INTS4: variants seen among roughly 807,000 people sequenced by gnomAD.
INTS4 encodes the protein MSTP093.
Under a neutral mutation model 119.5 loss-of-function variants are expected in INTS4, and 70 were observed. The observed-to-expected ratio is 0.59, with a 90% CI of 0.48 to 0.71. INTS4 has a LOEUF of 0.71. INTS4 is among the 30% of genes least tolerant of loss of function. The pLI, the probability that INTS4 is intolerant of heterozygous loss-of-function variation, is 0.00. For synonymous variants in INTS4, 316 were observed against 419.6 expected (o/e 0.75, Z 3.02); for missense variants, 867 against 1,173.2 (o/e 0.74, Z 3.81).
intron 15 of INTS4, among the ~76,000 whole-genome samples, chr11:77,915,823 T>C (rs1953192693): frequency 6.6e-6 from 1 of 152,252 alleles, no homozygotes; most frequent in South Asian, 2.1e-4. Context: ...TGAGCTAGGT[T>C]CCAGACATGA....
At chr11:77,921,788 T>C (rs1953367287) in intron 13 of INTS4, among the ~76,000 whole-genome samples, 1 of 152,202 alleles carries the variant, frequency 6.6e-6, no homozygotes. Flanking sequence ...CCCAACACTT[T>C]GGGAGGCTGA....
chr11:77,912,734 G>A (rs1184416200), intron 15 of INTS4, among the ~76,000 whole-genome samples: 2 of 151,962 alleles, frequency 1.3e-5, no homozygotes, highest in Non-Finnish European at 2.9e-5. Flanking sequence ...CCTCTAAAAC[G>A]CGATCTTTAT....
At chr11:77,898,747 C>T (rs531869834) in intron 18 of INTS4, among the ~76,000 whole-genome samples, 4 of 152,272 alleles carry the variant, frequency 2.6e-5, no homozygotes, top group South Asian at 2.1e-4. Context: ...CAGCCAGGCA[C>T]GGTAGCTCAC....
intron 8 of INTS4, among the ~76,000 whole-genome samples, chr11:77,948,225 C>T (rs181800709): frequency 2.0e-5 from 3 of 152,252 alleles, no homozygotes; most frequent in African/African-American, 7.2e-5. Flanking sequence ...GAAAATAAAG[C>T]GTGGCCCCAC....
intron 4 of INTS4, among the ~76,000 whole-genome samples, chr11:77,968,335 CAT>C (rs1304734075): frequency 6.6e-6 from 1 of 152,132 alleles, no homozygotes; most frequent in African/African-American, 2.4e-5. Context: ...AATTCTGACA[CAT>C]GTTACAATGT....
In INTS4 at chr11:77,991,055, A is replaced by T. The variant is rs2136670878; in HGVS notation, c.246+53T>A. 4.1e-6 allele frequency: 6 copies of T among 1,470,162 alleles called. No homozygotes were observed. The East Asian group carries it at 1.4e-4, about 33-fold the overall frequency. 91.1% of individuals were successfully genotyped at this position (1,470,162 alleles called of 1,614,324 possible). On this transcript the variant is annotated intron_variant, in intron 2 of 22. Coordinates refer to ENST00000534064, the MANE Select transcript of INTS4 (RefSeq NM_033547.4). ...ATTTGTAATATTAACCATTCTGCAG[A>T]CATGATACAACTCCCATGATATACT... is the stretch of plus-strand genomic sequence containing the variant.
intron 11 of INTS4, among the ~76,000 whole-genome samples, chr11:77,927,357 G>A (rs1454819012): frequency 6.6e-6 from 1 of 152,024 alleles, no homozygotes; most frequent in African/African-American, 2.4e-5. Flanking sequence ...AGAATGGTAG[G>A]GACCTTCAAA....
intron 18 of INTS4, among the ~76,000 whole-genome samples, chr11:77,895,112 A>G (rs1952454973): frequency 6.7e-6 from 1 of 149,872 alleles, no homozygotes; most frequent in Non-Finnish European, 1.5e-5. Context: ...ACTTGAGAAC[A>G]TTTCATTTCA....
At chr11:77,969,974 G>A (rs968423315) in intron 4 of INTS4, among the ~76,000 whole-genome samples, 7 of 152,186 alleles carry the variant, frequency 4.6e-5, no homozygotes, top group Admixed American at 2.0e-4. Flanking sequence ...CAACGAAGCT[G>A]TAGAGTGTAT....
chr11:77,927,598 G>A (rs1238144082), intron 11 of INTS4, among the ~76,000 whole-genome samples: 1 of 151,932 alleles, frequency 6.6e-6, no homozygotes, highest in African/African-American at 2.4e-5. Context: ...GTATGGCCTG[G>A]GAAGCAACTC....
Position 77,985,408 on chromosome 11 carries a change from T to C in INTS4, c.247-3832A>G, listed in dbSNP as rs188428346. Among the ~76,000 whole-genome samples, 485 of 152,288 alleles carry C rather than the reference T, an allele frequency of 3.2e-3. 3 individuals carry two copies. The highest frequency in any genetic ancestry group is 5.8e-3 in the Non-Finnish European group (393 of 68,014). ...CTGTCTCACATCTCCATGCCCATGT[T>C]CACGGTTGCTCACAACTAAAATGTC... On this transcript the variant is annotated intron_variant, in intron 2 of 22. Coordinates refer to ENST00000534064, the MANE Select transcript of INTS4 (RefSeq NM_033547.4).
intron 10 of INTS4, among the ~76,000 whole-genome samples, chr11:77,930,661 T>C (rs1480193184): frequency 6.6e-6 from 1 of 152,096 alleles, no homozygotes; most frequent in Non-Finnish European, 1.5e-5. Flanking sequence ...GCAAGAAAAT[T>C]GATATTTTCC....
chr11:77,913,554 G>A (rs1392619583), intron 15 of INTS4, among the ~76,000 whole-genome samples: 2 of 152,070 alleles, frequency 1.3e-5, no homozygotes, highest in East Asian at 1.9e-4. Flanking sequence ...CTCGTGATCC[G>A]CCCACCTTGG....
intron 21 of INTS4, among the ~76,000 whole-genome samples, chr11:77,885,613 G>C (rs1951970626): frequency 6.6e-6 from 1 of 151,950 alleles, no homozygotes; most frequent in African/African-American, 2.4e-5. Context: ...GAGGTCAGGA[G>C]TTCAAGACCA....
intron 18 of INTS4, among the ~76,000 whole-genome samples, chr11:77,899,799 A>G (rs1473261814): frequency 6.6e-6 from 1 of 152,182 alleles, no homozygotes; most frequent in East Asian, 1.9e-4. Context: ...AGGAGGCAGA[A>G]CAGCAAAGTA....
At chr11:77,992,673 T>G (rs751566797) in intron 1 of INTS4, among the ~76,000 whole-genome samples, 1 of 152,236 alleles carries the variant, frequency 6.6e-6, no homozygotes, top group East Asian at 1.9e-4. Flanking sequence ...GAACACAGTA[T>G]GACATGATAA....
rs1565271399 is a variant in INTS4 at position 77,956,715 on chromosome 11, ATAATAATAATAATAATAAT to A, written c.798-672_798-654del. ...GAGCGAGACTCCATCTCAAAAAATA[ATAATAATAATAATAATAAT>A]AATAATAATAATAATAATAATAATA... is the stretch of plus-strand genomic sequence containing the variant. On this transcript the variant is annotated intron_variant, in intron 7 of 22. Transcript: ENST00000534064. Among the ~76,000 whole-genome samples the A allele has an allele frequency of 2.8e-3, 207 of 73,136 alleles. 4 individuals carry two copies. The highest frequency in any genetic ancestry group is 8.5e-3 in the African/African-American group (186 of 21,834). The allele number at this position is 73,136 out of a possible 152,430, so 48.0% of individuals were successfully genotyped here.
downstream of INTS4, chr11:77,876,854 T>A (rs960807044): frequency 4.8e-6 from 3 of 628,420 alleles, no homozygotes; most frequent in African/African-American, 5.5e-5. Context: ...GGTACTTATC[T>A]GAAAAATATC....
At position 77,883,885 on chromosome 11, in the gene INTS4, G is replaced by A. The variant is rs1234916468; in HGVS notation, c.2660C>T (p.Pro887Leu). The A allele has an allele frequency of 1.9e-6, 3 of 1,613,100 alleles. No homozygotes were observed. ...PKPADFRNPG[P>L]GRHRLITQVY... ...CTGAGTGATGAGCCGGTGCCGCCCTGGGCCAGGATTCCGGAAGTCTGCAGG... is the reference window on the plus strand; with the variant it reads ...CTGAGTGATGAGCCGGTGCCGCCCTAGGCCAGGATTCCGGAAGTCTGCAGG... Residue 887 changes from proline (P) to leucine (L), a missense_variant, in exon 22 of 23, where the codon CCA (proline) becomes CTA (leucine). Transcript: ENST00000534064.
Sources: gnomAD v4.1 joint callset for allele counts (sites outside exome capture counted in the v4.1 genomes callset) on GRCh38, gnomAD v4.1.1 for gene constraint, MANE v1.5 for transcripts, NCBI Gene and HGNC (gene_info 2026-07-23, HGNC 2026-07-21) for gene names.